Variants in NDRG4 observed in about 807,000 individuals in gnomAD.
NDRG4 encodes NDRG family member 4.
In NDRG4, 38 loss-of-function variants were observed where a neutral mutation model predicts 55.8. That is an observed-to-expected ratio of 0.68 (90% CI 0.53 to 0.89). NDRG4 has a LOEUF of 0.89. Among genes scored for constraint, NDRG4 ranks in the 40% least tolerant of loss-of-function variants. NDRG4 has a pLI of 0.00. For synonymous variants in NDRG4, 190 were observed against 182.7 expected (o/e 1.04, Z -0.32); for missense variants, 455 against 468.6 (o/e 0.97, Z 0.27).
intron 5 of NDRG4, chr16:58,506,166 G>A (rs1567347100): frequency 8.8e-6 from 6 of 679,942 alleles, no homozygotes; most frequent in Admixed American, 4.1e-5. Flanking sequence ...GTCTGTGTGT[G>A]TGTAGGGGTG....
chr16:58,485,241 C>A (rs1195957757), intron 1 of NDRG4, among the ~76,000 whole-genome samples: 2 of 152,144 alleles, frequency 1.3e-5, no homozygotes, highest in African/African-American at 4.8e-5. Flanking sequence ...TCTGCTCTGG[C>A]GTCTTTCTTG....
chr16:58,498,917 T>C (rs2036712971), upstream of NDRG4, among the ~76,000 whole-genome samples: 1 of 152,146 alleles, frequency 6.6e-6, no homozygotes, highest in Non-Finnish European at 1.5e-5. Flanking sequence ...TCTCTGAGCC[T>C]CCATATATAA....
At position 58,464,399 on chromosome 16, in the gene NDRG4, C is replaced by A. The variant is rs1277000618; in HGVS notation, c.-24+602C>A. 2.2e-6 allele frequency: 3 copies of A among 1,368,450 alleles called. No homozygotes were observed. Among genetic ancestry groups the A allele is most frequent in the Admixed American group, 3.6e-5 (1 of 27,728 alleles). 84.8% of individuals were successfully genotyped at this position (1,368,450 alleles called of 1,614,324 possible). ...GGCCGAGCGCGCTGCCCCGACGCCG[C>A]CACCCAGAGCCGGGCCGCGCCGGGC... On this transcript the variant is annotated intron_variant, in intron 1 of 15. Coordinates refer to the NDRG4 transcript ENST00000258187. This position sits in a 1 kb window ranked among gnomAD's most constrained non-coding sequence, Gnocchi z 4.8.
At chr16:58,478,561 T>C (rs1304345410) in intron 1 of NDRG4, among the ~76,000 whole-genome samples, 6 of 152,172 alleles carry the variant, frequency 3.9e-5, no homozygotes, top group African/African-American at 1.4e-4. Flanking sequence ...TTCTGTATAT[T>C]ACTTAACAGT....
chr16:58,465,217 C>A, intron 1 of NDRG4: 1 of 709,350 alleles, frequency 1.4e-6, no homozygotes, highest in Non-Finnish European at 2.2e-6. Flanking sequence ...CCGTGTATGT[C>A]AGATGAGCAC....
chr16:58,475,235 C>T (rs993103486), intron 1 of NDRG4, among the ~76,000 whole-genome samples: 1 of 152,152 alleles, frequency 6.6e-6, no homozygotes, highest in Non-Finnish European at 1.5e-5. Flanking sequence ...AAAAGAAATG[C>T]GAGAATTCGT....
chr16:58,501,365 G>GGACC (rs1263728530), intron 1 of NDRG4: 6 of 320,156 alleles, frequency 1.9e-5, no homozygotes, highest in African/African-American at 4.3e-5. Flanking sequence ...GAGGGGAGAC[G>GGACC]GACCGACCGA....
rs1481670647 is a variant in NDRG4, at chr16:58,464,346, G to A, written c.-24+549G>A. 2 of 1,223,028 alleles carry A rather than the reference G, an allele frequency of 1.6e-6. No homozygotes were observed. Among genetic ancestry groups the A allele is most frequent in the East Asian group, 6.3e-5 (2 of 31,520 alleles). 75.8% of individuals were successfully genotyped at this position (1,223,028 alleles called of 1,614,324 possible). A position where few individuals can be genotyped will look rare whatever the true frequency, so the allele number is the denominator to read the frequency against. On this transcript the variant is annotated intron_variant, in intron 1 of 15. Transcript: ENST00000258187. This position sits in a 1 kb window ranked among gnomAD's most constrained non-coding sequence, Gnocchi z 4.8. ...CCGCGCTCTCCTGCCGCTCCGCTCC[G>A]GGTCTCCCGCGCTCCTCTCCCCGGC...
intron 1 of NDRG4, among the ~76,000 whole-genome samples, chr16:58,503,507 G>C (rs1055108700): frequency 2.0e-5 from 3 of 152,142 alleles, no homozygotes; most frequent in African/African-American, 7.2e-5. Flanking sequence ...AGCCTCCCTG[G>C]ACCCTCAAGG....
chr16:58,471,557 C>T (rs1362061933), intron 1 of NDRG4, among the ~76,000 whole-genome samples: 1 of 152,114 alleles, frequency 6.6e-6, no homozygotes, highest in Non-Finnish European at 1.5e-5. Flanking sequence ...CACTTCCACC[C>T]AGCCTAGCAT....
In NDRG4 at chr16:58,504,274, G is replaced by A. The variant is rs770266993; in HGVS notation, c.248G>A (p.Gly83Glu). The A allele has an allele frequency of 6.2e-7, 1 of 1,613,962 alleles. No individual in the cohort carries two copies. Reference protein sequence around the residue: ...QQVGASQFPQGYQFPSMEQLA... With the variant: ...QQVGASQFPQEYQFPSMEQLA... ...GTGGGGGCGTCGCAGTTTCCTCAGGGGTAGGTACCCTGAGCCCCCTCTGCC... is the reference window on the plus strand; with the variant it reads ...GTGGGGGCGTCGCAGTTTCCTCAGGAGTAGGTACCCTGAGCCCCCTCTGCC... The change falls in exon 3 of 15, where the codon GGG becomes GAG. Residue 83 changes from glycine to glutamate, a missense_variant and splice_region_variant. Transcript: ENST00000570248.
At chr16:58,478,086 T>C (rs1843373009) in intron 1 of NDRG4, among the ~76,000 whole-genome samples, 1 of 152,124 alleles carries the variant, frequency 6.6e-6, no homozygotes, top group South Asian at 2.1e-4. Flanking sequence ...AACTGGCCAG[T>C]ACTCTTCAAA....
chr16:58,511,549 C>T lies in NDRG4; in HGVS notation c.1032C>T (p.Val344=), dbSNP rs550774277. ...AGAGCAGCGAGGGGCTGGGCCAGGT[C>T]AACCACACCATGGAGGTGTCCTGTT... ...HSESSEGLGQ[V]NHTMEVSC Residue 344 remains valine, a synonymous_variant, in exon 15 of 15, where the codon GTC becomes GTT. Coordinates refer to ENST00000570248, the MANE Select transcript of NDRG4 (RefSeq NM_001242835.2). The T allele has an allele frequency of 6.2e-7, 1 of 1,613,044 alleles. No individual in the cohort carries two copies. The highest frequency in any genetic ancestry group is 8.5e-7 in the Non-Finnish European group (1 of 1,179,968).
intron 2 of NDRG4, among the ~76,000 whole-genome samples, chr16:58,490,252 G>A (rs1407714492): frequency 6.6e-6 from 1 of 152,224 alleles, no homozygotes; most frequent in Admixed American, 6.5e-5. Flanking sequence ...GAAGTGTGCA[G>A]GTTGCGGGAC....
In NDRG4 at chr16:58,464,677, G is replaced by T; in HGVS notation, c.-24+880G>T. 9.1e-7 allele frequency: 1 copy of T among 1,097,218 alleles called. No individual in the cohort carries two copies. Among genetic ancestry groups the T allele is most frequent in the Non-Finnish European group, 1.2e-6 (1 of 851,876 alleles). The allele number at this position is 1,097,218 out of a possible 1,614,324, so 68.0% of individuals were successfully genotyped here. A position where few individuals can be genotyped will look rare whatever the true frequency, so the allele number is the denominator to read the frequency against. ...GCGAGTCCCTGGCGCTGGCGTCCGG[G>T]CTGCGGGAGCACCGGTCAGGGGGTG... On this transcript the variant is annotated intron_variant, in intron 1 of 15. Transcript: ENST00000258187. This position sits in a 1 kb window ranked among gnomAD's most constrained non-coding sequence, Gnocchi z 4.8.
chr16:58,500,716 G>A, intron 1 of NDRG4: 1 of 428,316 alleles, frequency 2.3e-6, no homozygotes, highest in Non-Finnish European at 4.1e-6. Context: ...GTGAGCCCCC[G>A]AGGCTGTGTG....
At chr16:58,510,873 C>G in intron 14 of NDRG4, 190 bp downstream of exon 14, 1 of 626,516 alleles carries the variant, frequency 1.6e-6, no homozygotes, top group Non-Finnish European at 2.8e-6. Context: ...GGCTGGGTTG[C>G]AGAGCAGTCT....
In NDRG4 at chr16:58,511,531, C is replaced by T. The variant is rs535312481; in HGVS notation, c.1014C>T (p.Ser338=). Reference sequence around the variant, plus strand: ...AGGCCTGCACCCACTCAGAGAGCAGCGAGGGGCTGGGCCAGGTCAACCACA... The same window carrying T: ...AGGCCTGCACCCACTCAGAGAGCAGTGAGGGGCTGGGCCAGGTCAACCACA... ...RPQACTHSES[S]EGLGQVNHTM... is the part of the protein sequence containing the mutation. The change falls in exon 15 of 15, where the codon AGC becomes AGT. Residue 338 remains serine (S), a synonymous_variant. Coordinates refer to ENST00000570248, the MANE Select transcript of NDRG4 (RefSeq NM_001242835.2). 2.6e-5 allele frequency: 42 copies of T among 1,613,046 alleles called. 1 individual carries two copies. Among genetic ancestry groups the T allele is most frequent in the African/African-American group, 1.9e-4 (14 of 75,038 alleles).
At chr16:58,510,731 T>TCCC in intron 14 of NDRG4, 48 bp downstream of exon 14, 1 of 1,502,238 alleles carries the variant, frequency 6.7e-7, no homozygotes, top group Non-Finnish European at 9.0e-7. Context: ...AGCCTCCTCC[T>TCCC]CCCCCGCTCC....
Sources: allele counts gnomAD v4.1 joint callset (sites outside exome capture counted in the v4.1 genomes callset), GRCh38; gene constraint gnomAD v4.1.1; non-coding constraint Gnocchi (gnomAD v3.1); transcripts MANE v1.5; gene names NCBI Gene and HGNC (gene_info 2026-07-23, HGNC 2026-07-21).